The following RASGEF1A variants were observed in gnomAD, a reference collection of about 807,000 sequenced individuals.
RASGEF1A encodes ras-GEF domain-containing family member 1A.
RASGEF1A carries 18 observed loss-of-function variants against 56.4 expected under a neutral mutation model. That is an observed-to-expected ratio of 0.32 (90% CI 0.22 to 0.47). RASGEF1A has a LOEUF of 0.47. Among genes scored for constraint, RASGEF1A ranks in the 20% least tolerant of loss-of-function variants. The pLI is 1.00. For missense variants in RASGEF1A, 422 were observed against 627.1 expected (o/e 0.67, Z 3.49); for synonymous variants, 245 against 242.6 (o/e 1.01, Z -0.09).
At chr10:43,218,777 C>T (rs1309744543) in intron 1 of RASGEF1A, among the ~76,000 whole-genome samples, 2 of 152,288 alleles carry the variant, frequency 1.3e-5, no homozygotes, top group African/African-American at 2.4e-5. Context: ...ACCAGCACGA[C>T]AGCGCCTCAC....
rs746402738 is a variant in RASGEF1A at position 43,264,167 on chromosome 10, T to C, written c.-7+2678A>G. Among the ~76,000 whole-genome samples, 75 of 152,050 alleles carry C rather than the reference T, an allele frequency of 4.9e-4. 1 individual carries two copies. Among genetic ancestry groups the C allele is most frequent in the Non-Finnish European group, 9.3e-4 (63 of 67,942 alleles). On this transcript the variant is annotated intron_variant, in intron 1 of 12. Transcript: ENST00000395810. The stretch of plus-strand genomic sequence containing the variant: ...TTCCCAAACCCTGCTCCCGGGCTGC[T>C]AGCTGGGGAATTCCTGGTGTCCCAG...
intron 4 of RASGEF1A, 132 bp from the exon 5 acceptor site, chr10:43,201,020 G>C: frequency 1.3e-6 from 1 of 743,388 alleles, no homozygotes; most frequent in South Asian, 1.8e-5. Context: ...CTAAACCGCA[G>C]CCTTCAGGCC....
intron 1 of RASGEF1A, among the ~76,000 whole-genome samples, chr10:43,209,518 A>C (rs1412138809): frequency 6.6e-6 from 1 of 152,244 alleles, no homozygotes; most frequent in Non-Finnish European, 1.5e-5. Context: ...AGGGAAGATC[A>C]GAGGAGCCCC....
chr10:43,229,001 C>T (rs1168603807), intron 1 of RASGEF1A, among the ~76,000 whole-genome samples: 1 of 152,240 alleles, frequency 6.6e-6, no homozygotes, highest in Non-Finnish European at 1.5e-5. Context: ...CACCGCCTTA[C>T]GCCTCTGGGG....
At chr10:43,206,493 C>T (rs1470774981) in intron 1 of RASGEF1A, among the ~76,000 whole-genome samples, 2 of 152,204 alleles carry the variant, frequency 1.3e-5, no homozygotes, top group African/African-American at 4.8e-5. Flanking sequence ...TGGGGCTGGC[C>T]GCGCAGCTCC....
intron 1 of RASGEF1A, among the ~76,000 whole-genome samples, chr10:43,219,707 G>C (rs149977562): frequency 6.6e-6 from 1 of 152,230 alleles, no homozygotes; most frequent in Non-Finnish European, 1.5e-5. Flanking sequence ...ATGGCCAGCC[G>C]CGTAGGCCAC....
intron 1 of RASGEF1A, among the ~76,000 whole-genome samples, chr10:43,225,289 G>A (rs1201855853): frequency 2.2e-5 from 3 of 138,494 alleles, no homozygotes; most frequent in Non-Finnish European, 4.6e-5. Flanking sequence ...GTGTGTTTCT[G>A]TGTGTCTGTG....
chr10:43,208,423 G>A (rs1011783800), intron 1 of RASGEF1A: 22 of 985,450 alleles, frequency 2.2e-5, no homozygotes, highest in African/African-American at 3.5e-5. Context: ...CCTAGGAGTT[G>A]AGGAGCCATC....
intron 1 of RASGEF1A, among the ~76,000 whole-genome samples, chr10:43,253,264 G>A (rs1464875993): frequency 1.3e-5 from 2 of 152,214 alleles, no homozygotes; most frequent in African/African-American, 4.8e-5. Flanking sequence ...GTGGATTTGA[G>A]GTCCTTGTAG....
intron 1 of RASGEF1A, among the ~76,000 whole-genome samples, chr10:43,262,512 G>A (rs1836547782): frequency 1.3e-5 from 2 of 152,220 alleles, no homozygotes; most frequent in South Asian, 4.1e-4. Flanking sequence ...CGTGGCCCAG[G>A]CCAGGCACCT....
intron 1 of RASGEF1A, among the ~76,000 whole-genome samples, chr10:43,226,875 C>T (rs1293158536): frequency 2.0e-5 from 3 of 152,242 alleles, no homozygotes; most frequent in African/African-American, 7.2e-5. Context: ...CTATGCCACA[C>T]ACTCAGAACG....
rs537905177 is a variant in RASGEF1A at position 43,222,141 on chromosome 10, T to C, written c.-6-16019A>G. 4.6e-5 allele frequency among the ~76,000 whole-genome samples: 7 copies of C among 152,292 alleles called. No individual in the cohort carries two copies. In the East Asian group the frequency reaches 7.7e-4, roughly 17 times the overall value. On this transcript the variant is annotated intron_variant, in intron 1 of 12. Coordinates refer to ENST00000395810, the MANE Select transcript of RASGEF1A (RefSeq NM_145313.4). ...GCACAGTGTGTGACTGCACTGAATA[T>C]ACTGGAGGCAACTGTAACACAACGG...
intron 1 of RASGEF1A, among the ~76,000 whole-genome samples, chr10:43,251,620 C>G (rs540366880): frequency 6.6e-6 from 1 of 152,224 alleles, no homozygotes; most frequent in Non-Finnish European, 1.5e-5. Flanking sequence ...CACCTCCAGA[C>G]GCAGTCAGGG....
At chr10:43,221,399 TCC>T (rs1840205622) in intron 1 of RASGEF1A, among the ~76,000 whole-genome samples, 2 of 152,092 alleles carry the variant, frequency 1.3e-5, no homozygotes, top group Non-Finnish European at 2.9e-5. Context: ...TCTCCATGCC[TCC>T]CCAGGGTGGC....
chr10:43,197,604 C>T (rs985848460), intron 10 of RASGEF1A, among the ~76,000 whole-genome samples: 4 of 152,198 alleles, frequency 2.6e-5, no homozygotes, highest in South Asian at 2.1e-4. Flanking sequence ...CTCAGGCCCA[C>T]GAGGCAGGCT....
chr10:43,207,813 G>T, intron 1 of RASGEF1A: 1 of 642,564 alleles, frequency 1.6e-6, no homozygotes, highest in Non-Finnish European at 1.9e-6. Flanking sequence ...TCCAGCCCAG[G>T]AACCACTGAT....
In RASGEF1A at chr10:43,196,659, G is replaced by A. The variant is rs1336462183; in HGVS notation, c.1349-111C>T. On this transcript the variant is annotated intron_variant, in intron 11 of 12. Transcript: ENST00000395810. This position sits in a 1 kb window ranked among gnomAD's most constrained non-coding sequence, Gnocchi z 4.6. ...CACAAGGGGACAGTGACCTCTGGCT[G>A]GGCTGAACACAGTTCTCTGCTGTGC... The A allele has an allele frequency of 3.8e-6, 4 of 1,046,258 alleles. No individual in the cohort carries two copies. Among genetic ancestry groups the A allele is most frequent in the African/African-American group, 1.6e-5 (1 of 63,916 alleles). 64.8% of individuals were successfully genotyped at this position (1,046,258 alleles called of 1,614,324 possible). A position where few individuals can be genotyped will look rare whatever the true frequency, so the allele number is the denominator to read the frequency against.
At chr10:43,218,371 C>A (rs1283225388) in intron 1 of RASGEF1A, among the ~76,000 whole-genome samples, 1 of 152,272 alleles carries the variant, frequency 6.6e-6, no homozygotes, top group Non-Finnish European at 1.5e-5. Flanking sequence ...GACCTGGTTG[C>A]ACTGTCCTGT....
At position 43,244,298 on chromosome 10, in the gene RASGEF1A, G is replaced by A. The variant is rs191903327; in HGVS notation, c.-7+22547C>T. 5.3e-4 allele frequency among the ~76,000 whole-genome samples: 74 copies of A among 140,182 alleles called. 5 individuals are homozygous for A. Among genetic ancestry groups the A allele is most frequent in the Non-Finnish European group, 9.9e-4 (61 of 61,564 alleles). 92.0% of individuals were successfully genotyped at this position (140,182 alleles called of 152,430 possible). A position where few individuals can be genotyped will look rare whatever the true frequency, so the allele number is the denominator to read the frequency against. ...AGGAAAACCAGAGACCTTTGTTCTC[G>A]TGTTTATCTGCTGACCTTCTCTCCA... On this transcript the variant is annotated intron_variant, in intron 1 of 12. Transcript: ENST00000395810.
Sources: allele counts gnomAD v4.1 joint callset (sites outside exome capture counted in the v4.1 genomes callset), GRCh38; gene constraint gnomAD v4.1.1; non-coding constraint Gnocchi (gnomAD v3.1); transcripts MANE v1.5; gene names NCBI Gene and HGNC (gene_info 2026-07-23, HGNC 2026-07-21).